BRWD3: variants seen among roughly 807,000 people sequenced by gnomAD.
The protein encoded by BRWD3 is bromodomain and WD repeat-containing protein 3.
In BRWD3, 10 loss-of-function variants were observed where a neutral mutation model predicts 149.7. The ratio of observed to expected loss-of-function variants is 0.07; its 90% CI spans 0.04 to 0.11. BRWD3 has a LOEUF of 0.11. BRWD3 is among the 10% of genes least tolerant of loss of function. BRWD3 has a pLI of 1.00. For synonymous variants in BRWD3, 504 were observed against 456.7 expected, an observed-to-expected ratio of 1.10 and a Z score of -1.32; for missense variants, 940 against 1,373.2, an observed-to-expected ratio of 0.68 and a Z score of 4.99.
chrX:80,716,157 C>T lies in BRWD3; in HGVS notation c.2325G>A (p.Arg775=), dbSNP rs771850069. Residue 775 remains arginine (R), a splice_region_variant and synonymous_variant, in exon 20 of 41, where the codon AGG becomes AGA. Transcript: ENST00000373275. ...KKKKPSYTTQ[R]NDYEPSCGRS... ...CAAAGTATTGTAAAACTATACTTACCCTTTGAGTAGTGTAAGATGGCTTTT... is the reference window on the plus strand; with the variant it reads ...CAAAGTATTGTAAAACTATACTTACTCTTTGAGTAGTGTAAGATGGCTTTT... 5.1e-6 allele frequency: 6 copies of T among 1,177,947 alleles called. No homozygotes were observed. In the East Asian group the frequency reaches 1.8e-4, roughly 35 times the overall value.
At chrX:80,778,751 C>G (rs1182857746) in intron 6 of BRWD3, among the ~76,000 whole-genome samples, 1 of 112,582 alleles carries the variant, frequency 8.9e-6, no homozygotes, top group South Asian at 3.6e-4. Context: ...GTCATTCCAG[C>G]ACTTTGAGAG....
chrX:80,787,797 C>G (rs2074127008), intron 6 of BRWD3, among the ~76,000 whole-genome samples: 1 of 111,499 alleles, frequency 9.0e-6, no homozygotes, highest in South Asian at 3.6e-4. Flanking sequence ...TTGAAAGACA[C>G]TGGTAGGCCG....
intron 10 of BRWD3, 138 bp downstream of exon 10, chrX:80,734,989 T>A (rs1345878516): frequency 1.9e-6 from 1 of 524,091 alleles, no homozygotes; most frequent in African/African-American, 2.4e-5. Flanking sequence ...AAAGAGTTTA[T>A]CTATCATAAC....
chrX:80,700,426 AATATTTGAT>A (rs1193327068), intron 24 of BRWD3, among the ~76,000 whole-genome samples: 1 of 89,563 alleles, frequency 1.1e-5, no homozygotes, highest in African/African-American at 4.2e-5. Context: ...GCAGATTGAA[AATATTTGAT>A]ATATATAACA....
At chrX:80,702,720 T>C (rs1250637390) in intron 24 of BRWD3, among the ~76,000 whole-genome samples, 3 of 111,888 alleles carry the variant, frequency 2.7e-5, no homozygotes, top group Non-Finnish European at 5.7e-5. Flanking sequence ...TAACAGGCAA[T>C]TACAGAAAAG....
At chrX:80,761,400 C>A (rs1305023008) in intron 6 of BRWD3, among the ~76,000 whole-genome samples, 1 of 112,227 alleles carries the variant, frequency 8.9e-6, no homozygotes, top group Admixed American at 9.5e-5. Context: ...AATAAAAAGA[C>A]CCACAAGAAG....
chrX:80,781,534 G>A (rs193154592), intron 6 of BRWD3, among the ~76,000 whole-genome samples: 6 of 111,099 alleles, frequency 5.4e-5, no homozygotes, highest in African/African-American at 1.6e-4. Flanking sequence ...TGCTGTTGGG[G>A]AGGTTGGCCG....
intron 25 of BRWD3, among the ~76,000 whole-genome samples, chrX:80,697,852 G>C (rs765381427): frequency 8.9e-6 from 1 of 112,207 alleles, no homozygotes; most frequent in South Asian, 3.7e-4. Flanking sequence ...AATTTGGGTA[G>C]TTCTACTTTA....
At chrX:80,699,421 G>C (rs1203456384) in intron 25 of BRWD3, among the ~76,000 whole-genome samples, 2 of 110,618 alleles carry the variant, frequency 1.8e-5, no homozygotes, top group African/African-American at 6.6e-5. Context: ...ATGTGCATGT[G>C]TGCATATATA....
intron 24 of BRWD3, among the ~76,000 whole-genome samples, 155 bp from the exon 25 acceptor site, chrX:80,700,219 C>T (rs1178101724): frequency 1.9e-5 from 2 of 107,418 alleles, no homozygotes; most frequent in African/African-American, 3.4e-5. Flanking sequence ...GATGTTAATT[C>T]AGTATTCATG....
At chrX:80,789,908 G>GT (rs1432381755) in intron 6 of BRWD3, among the ~76,000 whole-genome samples, 1 of 106,827 alleles carries the variant, frequency 9.4e-6, no homozygotes, top group African/African-American at 3.4e-5. Context: ...GGCAGGCGTG[G>GT]TGGCTCACAC....
chrX:80,751,552 T>C (rs1260964971), intron 6 of BRWD3, among the ~76,000 whole-genome samples: 1 of 112,112 alleles, frequency 8.9e-6, no homozygotes, highest in Non-Finnish European at 1.9e-5. Flanking sequence ...GCAAAATACA[T>C]TTTTTTAAAA....
chrX:80,773,778 G>C (rs752762754), intron 6 of BRWD3, among the ~76,000 whole-genome samples: 1 of 111,913 alleles, frequency 8.9e-6, no homozygotes, highest in African/African-American at 3.2e-5. Context: ...TTTATTCCTT[G>C]AAGTCTTCCC....
intron 6 of BRWD3, among the ~76,000 whole-genome samples, chrX:80,752,355 TA>T (rs1383155971): frequency 8.9e-6 from 1 of 111,847 alleles, no homozygotes; most frequent in Admixed American, 9.5e-5. Context: ...AGTGCCATTA[TA>T]AACATACTAG....
chrX:80,770,430 C>T (rs2073927774), intron 6 of BRWD3, among the ~76,000 whole-genome samples: 1 of 111,636 alleles, frequency 9.0e-6, no homozygotes, highest in African/African-American at 3.3e-5. Flanking sequence ...ATCCCTAGGA[C>T]GCAAGGCTGG....
intron 6 of BRWD3, among the ~76,000 whole-genome samples, chrX:80,770,118 C>A (rs1484955384): frequency 1.8e-5 from 2 of 111,132 alleles, no homozygotes; most frequent in Non-Finnish European, 3.8e-5. Context: ...AATAGCCTAC[C>A]AACCAAAAAA....
At chrX:80,741,708 CTTTT>C (rs1327631726) in intron 8 of BRWD3, among the ~76,000 whole-genome samples, 1 of 112,230 alleles carries the variant, frequency 8.9e-6, no homozygotes, top group Non-Finnish European at 1.9e-5. Flanking sequence ...TAAATGTCTT[CTTTT>C]GAGAAGTGTC....
chrX:80,801,512 G>A (rs191076426), intron 4 of BRWD3, among the ~76,000 whole-genome samples: 91 of 108,006 alleles, frequency 8.4e-4, no homozygotes, highest in African/African-American at 2.8e-3. Context: ...AACCGCGCCC[G>A]GACGAGAAAA....
At chrX:80,689,159 A>G (rs1037393821) in intron 33 of BRWD3, among the ~76,000 whole-genome samples, 3 of 111,199 alleles carry the variant, frequency 2.7e-5, no homozygotes, top group African/African-American at 9.8e-5. Flanking sequence ...TCACTTTCCA[A>G]TATTGTTCCA....
Sources: gnomAD v4.1 joint callset for allele counts (sites outside exome capture counted in the v4.1 genomes callset) on GRCh38, gnomAD v4.1.1 for gene constraint, MANE v1.5 for transcripts, NCBI Gene and HGNC (gene_info 2026-07-23, HGNC 2026-07-21) for gene names.